NEK7: variants seen among roughly 807,000 people sequenced by gnomAD.
NEK7 encodes serine/threonine-protein kinase Nek7.
Under a neutral mutation model 44.6 loss-of-function variants are expected in NEK7, and 18 were observed. That is an observed-to-expected ratio of 0.40 (90% CI 0.28 to 0.60). NEK7 has a LOEUF of 0.60. Among genes scored for constraint, NEK7 ranks in the 20% least tolerant of loss-of-function variants. The probability of loss-of-function intolerance (pLI) is 0.38; values close to 1 mark genes in which losing one functional copy is unlikely to be tolerated. For synonymous variants in NEK7, 130 were observed against 121.1 expected (o/e 1.07, Z -0.48); for missense variants, 256 against 366.5 (o/e 0.70, Z 2.46).
intron 1 of NEK7, among the ~76,000 whole-genome samples, 159 bp from the exon 2 acceptor site, chr1:198,232,394 G>A (rs1167606949): frequency 6.6e-6 from 1 of 152,128 alleles, no homozygotes; most frequent in South Asian, 2.1e-4. Context: ...GCTAACTAGA[G>A]CTTGGATTTA....
intron 4 of NEK7, among the ~76,000 whole-genome samples, chr1:198,263,648 G>C (rs961590390): frequency 2.0e-5 from 3 of 151,888 alleles, no homozygotes; most frequent in African/African-American, 7.2e-5. Flanking sequence ...AAAAGCAATA[G>C]TTAGATATAG....
In NEK7 at chr1:198,292,967, TC is replaced by T; in HGVS notation, c.614del (p.Pro205GlnfsTer37). On this transcript the variant is annotated frameshift_variant, in exon 8 of 10. Coordinates refer to ENST00000367385, the MANE Select transcript of NEK7 (RefSeq NM_133494.3). LOFTEE classifies it high-confidence loss of function. The stretch of plus-strand genomic sequence containing the variant: ...CAGTTGGTACGCCTTATTACATGTC[TC>T]CAGAGAGAATACATGAAAATGGATA... The part of the protein sequence containing the change: ...SLVGTPYYMS[P>X]ERIHENGYNF... 6.3e-7 allele frequency: 1 copy of T among 1,595,918 alleles called. No individual in the cohort carries two copies. The highest frequency in any genetic ancestry group is 8.6e-7 in the Non-Finnish European group (1 of 1,164,022).
At chr1:198,223,895 C>G (rs772382226) in intron 1 of NEK7, among the ~76,000 whole-genome samples, 2 of 151,946 alleles carry the variant, frequency 1.3e-5, no homozygotes, top group African/African-American at 4.8e-5. Flanking sequence ...TAAAAATTTT[C>G]AGATGACCAA....
intron 9 of NEK7, among the ~76,000 whole-genome samples, chr1:198,306,904 A>T (rs189175885): frequency 6.6e-6 from 1 of 152,150 alleles, no homozygotes; most frequent in African/African-American, 2.4e-5. Flanking sequence ...ACCAAGGAAG[A>T]TTACATCAAA....
At chr1:198,260,045 T>A (rs982359393) in intron 3 of NEK7, among the ~76,000 whole-genome samples, 1 of 152,172 alleles carries the variant, frequency 6.6e-6, no homozygotes, top group Non-Finnish European at 1.5e-5. Flanking sequence ...TATTTGTATC[T>A]GTAATAAAAT....
rs991760669 is a variant in NEK7, at chr1:198,228,707, C to T, written c.-28-3846C>T. Among the ~76,000 whole-genome samples, 46 of 152,198 alleles carry T rather than the reference C, an allele frequency of 3.0e-4. 1 individual carries two copies. Among genetic ancestry groups the T allele is most frequent in the Admixed American group, 2.2e-3 (33 of 15,288 alleles). ...TGTATAAGAATGCTTATGATTTTTG[C>T]ACATTGATTTTGTATCCTGAGACTT... On this transcript the variant is annotated intron_variant, in intron 1 of 9. Transcript: ENST00000367385.
At chr1:198,183,708 A>T (rs1033109259) in intron 1 of NEK7, among the ~76,000 whole-genome samples, 17 of 152,102 alleles carry the variant, frequency 1.1e-4, no homozygotes, top group Non-Finnish European at 4.4e-5. Context: ...GTTTATCAAG[A>T]TGAAACAGGG....
At chr1:198,209,096 T>C (rs886344600) in intron 1 of NEK7, among the ~76,000 whole-genome samples, 3 of 105,836 alleles carry the variant, frequency 2.8e-5, no homozygotes, top group African/African-American at 1.4e-4. Flanking sequence ...TATACACACA[T>C]ATGTACACAC....
At chr1:198,295,124 A>G (rs530274709) in intron 8 of NEK7, among the ~76,000 whole-genome samples, 27 of 151,758 alleles carry the variant, frequency 1.8e-4, no homozygotes, top group Admixed American at 1.7e-3. Context: ...GTTTTAATTG[A>G]TATGCAACAA....
chr1:198,315,587 G>A (rs1479625329), intron 9 of NEK7, among the ~76,000 whole-genome samples: 1 of 152,182 alleles, frequency 6.6e-6, no homozygotes, highest in African/African-American at 2.4e-5. Context: ...AAGCAAAGCC[G>A]TCAGCTGGAA....
chr1:198,227,584 C>T (rs1299477078), intron 1 of NEK7, among the ~76,000 whole-genome samples: 1 of 152,172 alleles, frequency 6.6e-6, no homozygotes, highest in Admixed American at 6.5e-5. Flanking sequence ...GATGGTATTT[C>T]ATTGTGGTTT....
At chr1:198,168,877 G>A (rs1411850026) in intron 1 of NEK7, among the ~76,000 whole-genome samples, 2 of 152,092 alleles carry the variant, frequency 1.3e-5, no homozygotes, top group Non-Finnish European at 2.9e-5. Context: ...GAGATGTAAT[G>A]GCTGGAATAA....
At chr1:198,221,838 T>A (rs1179685781) in intron 1 of NEK7, among the ~76,000 whole-genome samples, 3 of 151,914 alleles carry the variant, frequency 2.0e-5, no homozygotes, top group Non-Finnish European at 2.9e-5. Flanking sequence ...AAAAATTAAC[T>A]TATTAAATAT....
At chr1:198,231,935 TG>T (rs1326737238) in intron 1 of NEK7, among the ~76,000 whole-genome samples, 1 of 152,088 alleles carries the variant, frequency 6.6e-6, no homozygotes, top group Non-Finnish European at 1.5e-5. Flanking sequence ...ATGTAGTTCC[TG>T]GAGTGTAAGG....
At chr1:198,314,047 C>T (rs963078362) in intron 9 of NEK7, among the ~76,000 whole-genome samples, 4 of 152,100 alleles carry the variant, frequency 2.6e-5, no homozygotes, top group African/African-American at 9.6e-5. Flanking sequence ...TGGTTCCATT[C>T]TCCCCGTCAC....
intron 2 of NEK7, among the ~76,000 whole-genome samples, chr1:198,246,492 G>C (rs1295354500): frequency 6.6e-6 from 1 of 152,204 alleles, no homozygotes; most frequent in African/African-American, 2.4e-5. Flanking sequence ...CCTAATCCTT[G>C]GTGGCAGTTC....
intron 1 of NEK7, among the ~76,000 whole-genome samples, chr1:198,206,586 A>G (rs1665606863): frequency 6.6e-6 from 1 of 152,154 alleles, no homozygotes; most frequent in African/African-American, 2.4e-5. Context: ...ATTCTAAAGT[A>G]GAATCTTTCT....
chr1:198,269,020 C>T (rs1205609353), intron 5 of NEK7, among the ~76,000 whole-genome samples: 1 of 152,058 alleles, frequency 6.6e-6, no homozygotes, highest in African/African-American at 2.4e-5. Context: ...ATAAGTGCTC[C>T]CAGAGTACCC....
intron 1 of NEK7, among the ~76,000 whole-genome samples, chr1:198,211,768 C>T (rs559269688): frequency 2.0e-5 from 3 of 152,026 alleles, no homozygotes; most frequent in East Asian, 1.9e-4. Flanking sequence ...TTTTCCACTT[C>T]GAAAGACAAA....
Sources: gnomAD v4.1 joint callset for allele counts (sites outside exome capture counted in the v4.1 genomes callset) on GRCh38, gnomAD v4.1.1 for gene constraint, MANE v1.5 for transcripts, NCBI Gene and HGNC (gene_info 2026-07-23, HGNC 2026-07-21) for gene names.